The following ITLN1 variants were observed in gnomAD, a reference collection of about 807,000 sequenced individuals.
ITLN1 encodes the protein intelectin-1.
A neutral mutation model predicts 36.2 loss-of-function variants in ITLN1; 29 were observed. The ratio of observed to expected loss-of-function variants is 0.80; its 90% CI spans 0.60 to 1.09. The LOEUF (loss-of-function observed/expected upper bound fraction) is 1.09, where lower values mean the gene tolerates loss of function less well. Ranked by LOEUF, ITLN1 falls within the 50% of genes least tolerant of loss-of-function variation. The pLI, the probability that ITLN1 is intolerant of heterozygous loss-of-function variation, is 0.00. For missense variants in ITLN1, 358 were observed against 405.2 expected (o/e 0.88, Z 1.00); for synonymous variants, 143 against 146.5 (o/e 0.98, Z 0.17).
rs751071494 is a variant in ITLN1 at position 160,884,869 on chromosome 1, T to G, written c.9A>C (p.Gln3His). 1 of 1,612,490 alleles carries G rather than the reference T, an allele frequency of 6.2e-7. No homozygotes were observed. Among genetic ancestry groups the G allele is most frequent in the Non-Finnish European group, 8.5e-7 (1 of 1,178,692 alleles). Residue 3 changes from glutamine to histidine, a missense_variant, in exon 2 of 8, where the codon CAA becomes CAC. Coordinates refer to ENST00000326245, the MANE Select transcript of ITLN1 (RefSeq NM_017625.3). ...CTATGAGAAACAGCAGGAAGCTGAG[T>G]TGGTTCATTGTAATCTAAAGAAAGC... MN[Q>H]LSFLLFLIAT...
chr1:160,884,938 C>T (rs1670735091), intron 1 of ITLN1, 55 bp from the exon 2 acceptor site: 3 of 1,144,688 alleles, frequency 2.6e-6, no homozygotes, highest in South Asian at 2.5e-5. Context: ...CTCTACATCC[C>T]TGCCCCACCC....
At chr1:160,877,303 C>T (rs1006803518) in intron 7 of ITLN1, among the ~76,000 whole-genome samples, 1 of 152,208 alleles carries the variant, frequency 6.6e-6, no homozygotes, top group Non-Finnish European at 1.5e-5. Context: ...TTCCTTTCAA[C>T]TTTTCTGAAT....
chr1:160,884,201 T>C (rs1670722770), intron 2 of ITLN1, among the ~76,000 whole-genome samples: 1 of 151,714 alleles, frequency 6.6e-6, no homozygotes, highest in South Asian at 2.1e-4. Context: ...AGCTGCTTAA[T>C]ATGGCTGAAA....
At chr1:160,877,800 A>G (rs796166010) in intron 7 of ITLN1, among the ~76,000 whole-genome samples, 187 of 152,274 alleles carry the variant, frequency 1.2e-3, no homozygotes, top group African/African-American at 4.3e-3. Flanking sequence ...TTTCACATGA[A>G]TGATTTTACC....
Position 160,876,584 on chromosome 1 carries a change from C to G in ITLN1, c.*80G>C, listed in dbSNP as rs1415806935. The G allele has an allele frequency of 4.3e-6, 6 of 1,395,826 alleles. No individual in the cohort carries two copies. In the Admixed American group the frequency reaches 9.6e-5, roughly 22 times the overall value. 86.5% of individuals were successfully genotyped at this position (1,395,826 alleles called of 1,614,324 possible). On this transcript the variant is annotated 3_prime_UTR_variant, in exon 8 of 8. Coordinates refer to ENST00000326245, the MANE Select transcript of ITLN1 (RefSeq NM_017625.3). ...TGTTTTCTCTTCTGCCATTAACATT[C>G]TAGCTACTGGGTAAGTTGTTCTCCA...
Position 160,883,412 on chromosome 1 carries a change from A to G in ITLN1, c.157+16T>C. 2 of 1,571,210 alleles carry G rather than the reference A, an allele frequency of 1.3e-6. No homozygotes were observed. The highest frequency in any genetic ancestry group is 1.8e-6 in the Non-Finnish European group (2 of 1,141,100). ...GATACCCTGACTGAGCTCTGTTTGA[A>G]TGTTTCATCACTCACCAAATGCACT... is the stretch of plus-strand genomic sequence containing the variant. On this transcript the variant is annotated intron_variant, in intron 3 of 7. Transcript: ENST00000326245.
chr1:160,879,208 C>A, intron 7 of ITLN1, 103 bp downstream of exon 7: 1 of 857,296 alleles, frequency 1.2e-6, no homozygotes, highest in South Asian at 1.4e-5. Flanking sequence ...CACACGTACA[C>A]ACACACCCCA....
intron 4 of ITLN1, 109 bp from the exon 5 acceptor site, chr1:160,881,421 C>G: frequency 7.6e-7 from 1 of 1,307,644 alleles, no homozygotes; most frequent in South Asian, 1.7e-5. Flanking sequence ...TCCAGATGAG[C>G]AGATGGCCAA....
rs557408068 is a variant in ITLN1, at chr1:160,876,892, C to T, written c.790-76G>A. 9 of 1,457,978 alleles carry T rather than the reference C, an allele frequency of 6.2e-6. No homozygotes were observed. In the African/African-American group the frequency reaches 1.1e-4, roughly 18 times the overall value. The allele number at this position is 1,457,978 out of a possible 1,614,324, so 90.3% of individuals were successfully genotyped here. A position where few individuals can be genotyped will look rare whatever the true frequency, so the allele number is the denominator to read the frequency against. ...CCAATGCCATCTTAACAGCTGAATC[C>T]AGTGATTTCTTTGGTCCTCATCAGA... is the stretch of plus-strand genomic sequence containing the variant. On this transcript the variant is annotated intron_variant, in intron 7 of 7. Coordinates refer to ENST00000326245, the MANE Select transcript of ITLN1 (RefSeq NM_017625.3).
rs892906714 is a variant in ITLN1 at position 160,880,630 on chromosome 1, C to T, written c.643G>A (p.Asp215Asn). 8 of 1,614,094 alleles carry T rather than the reference C, an allele frequency of 5.0e-6. No homozygotes were observed. Among genetic ancestry groups the T allele is most frequent in the South Asian group, 2.2e-5 (2 of 91,082 alleles). ...PVIPVVYDFG[D>N]AQKTASYYSP... The stretch of plus-strand genomic sequence containing the variant: ...TAATAAGATGCTGTTTTCTGGGCGT[C>T]GCCAAAATCATAGACCACAGGGATC... The change falls in exon 6 of 8, where the codon GAC (aspartate) becomes AAC (asparagine). Residue 215 changes from aspartate to asparagine, a missense_variant. Physicochemically the swap from Asp to Asn is conservative, Grantham distance 23. Transcript: ENST00000326245.
chr1:160,881,871 A>G, intron 4 of ITLN1, 86 bp downstream of exon 4: 10 of 1,585,008 alleles, frequency 6.3e-6, no homozygotes, highest in Non-Finnish European at 8.6e-6. Flanking sequence ...CCACACCCCT[A>G]CCTTCCAGCC....
Position 160,881,285 on chromosome 1 carries a change from T to C in ITLN1, c.433A>G (p.Lys145Glu). The change falls in exon 5 of 8, where the codon AAG (lysine) becomes GAG (glutamate). Residue 145 changes from lysine (K) to glutamate (E), a missense_variant. Transcript: ENST00000326245. ...KNPGYYDIQA[K>E]DLGIWHVPNK... ...GGCACGTGCCAGATGCCCAGGTCCT[T>C]GGCCTGGATGTCGTAGTAGCCAGGG... 1 of 1,606,112 alleles carries C rather than the reference T, an allele frequency of 6.2e-7. No individual in the cohort carries two copies. The highest frequency in any genetic ancestry group is 8.5e-7 in the Non-Finnish European group (1 of 1,176,052).
chr1:160,877,592 T>C (rs1009647648), intron 7 of ITLN1, among the ~76,000 whole-genome samples: 6 of 152,068 alleles, frequency 3.9e-5, no homozygotes, highest in Admixed American at 3.9e-4. Flanking sequence ...AACCTATTCA[T>C]CATCCAGACA....
rs1461642195 is a variant in ITLN1, at chr1:160,881,956, C to T, written c.405+1G>A. ...CCGAGTGGGTAAGAAGTGGCACCAACCTTGTAGTCATCGCTCGTGGCCGCC... is the reference window on the plus strand; with the variant it reads ...CCGAGTGGGTAAGAAGTGGCACCAATCTTGTAGTCATCGCTCGTGGCCGCC... On this transcript the variant is annotated splice_donor_variant, in intron 4 of 7. Coordinates refer to ENST00000326245, the MANE Select transcript of ITLN1 (RefSeq NM_017625.3). LOFTEE classifies it high-confidence loss of function. 6 of 1,614,064 alleles carry T rather than the reference C, an allele frequency of 3.7e-6. No individual in the cohort carries two copies. The highest frequency in any genetic ancestry group is 1.1e-5 in the South Asian group (1 of 91,088).
At chr1:160,882,527 C>T (rs773453322) in intron 3 of ITLN1, among the ~76,000 whole-genome samples, 3 of 152,230 alleles carry the variant, frequency 2.0e-5, no homozygotes, top group East Asian at 1.9e-4. Context: ...GATGCTTTTA[C>T]ACCAGTGTTC....
At chr1:160,881,393 A>C in intron 4 of ITLN1, 81 bp from the exon 5 acceptor site, 2 of 1,463,710 alleles carry the variant, frequency 1.4e-6, no homozygotes, top group Non-Finnish European at 1.8e-6. Context: ...CTTCAGCTGG[A>C]CTGTGAGAGC....
At position 160,879,433 on chromosome 1, in the gene ITLN1, A is replaced by G. The variant is rs2101909013; in HGVS notation, c.686-19T>C. The G allele has an allele frequency of 6.3e-7, 1 of 1,597,386 alleles. No homozygotes were observed. The highest frequency in any genetic ancestry group is 8.6e-7 in the Non-Finnish European group (1 of 1,164,766). ...AATTCCCCTGAAAACAAGAGGCAGA[A>G]AACAGCATTCAAGGAAGATGCTAGA... On this transcript the variant is annotated intron_variant, in intron 6 of 7. Transcript: ENST00000326245.
rs757272637 is a variant in ITLN1 at position 160,879,383 on chromosome 1, C to A, written c.717G>T (p.Arg239Ser). ...REFTAGFVQF[R>S]VFNNERAANA... ...TGGCTGCTCTCTCGTTATTAAATACCCTGAACTGAACAAATCCCGCAGTGA... is the reference window on the plus strand; with the variant it reads ...TGGCTGCTCTCTCGTTATTAAATACACTGAACTGAACAAATCCCGCAGTGA... The change falls in exon 7 of 8, where the codon AGG becomes AGT. Residue 239 changes from arginine (R) to serine (S), a missense_variant. Coordinates refer to ENST00000326245, the MANE Select transcript of ITLN1 (RefSeq NM_017625.3). 1 of 1,614,124 alleles carries A rather than the reference C, an allele frequency of 6.2e-7. No individual in the cohort carries two copies. Among genetic ancestry groups the A allele is most frequent in the Non-Finnish European group, 8.5e-7 (1 of 1,180,002 alleles).
At chr1:160,882,298 G>A (rs1176131546) in intron 3 of ITLN1, 94 bp from the exon 4 acceptor site, 54 of 1,476,498 alleles carry the variant, frequency 3.7e-5, no homozygotes, top group Non-Finnish European at 4.7e-5. Context: ...CAGAGACATG[G>A]CCTAAAGGCT....
Sources: allele counts gnomAD v4.1 joint callset (sites outside exome capture counted in the v4.1 genomes callset), GRCh38; gene constraint gnomAD v4.1.1; transcripts MANE v1.5; gene names NCBI Gene and HGNC (gene_info 2026-07-23, HGNC 2026-07-21).